The following STEAP1B variants were observed in gnomAD, a reference collection of about 807,000 sequenced individuals.
STEAP1B encodes STEAP family member 1B.
STEAP1B carries 13 observed loss-of-function variants against 27.9 expected under a neutral mutation model. The ratio of observed to expected loss-of-function variants is 0.47; its 90% confidence interval spans 0.30 to 0.74. The LOEUF (loss-of-function observed/expected upper bound fraction) is 0.74, where lower values mean the gene tolerates loss of function less well. Among genes scored for constraint, STEAP1B ranks in the 30% least tolerant of loss-of-function variants. The probability of loss-of-function intolerance (pLI) is 0.06; values close to 1 mark genes in which losing one functional copy is unlikely to be tolerated. For synonymous variants in STEAP1B, 86 were observed against 107.1 expected, an observed-to-expected ratio of 0.80 and a Z score of 1.22; for missense variants, 250 against 298.7, an observed-to-expected ratio of 0.84 and a Z score of 1.20.
chr7:22,461,419 C>T (rs533601518), intron 4 of STEAP1B, among the ~76,000 whole-genome samples: 4 of 152,230 alleles, frequency 2.6e-5, no homozygotes, highest in African/African-American at 7.2e-5. Flanking sequence ...CCCACCACCA[C>T]GCCCAGCTAA....
At chr7:22,482,441 T>C (rs1286702436) in intron 4 of STEAP1B, among the ~76,000 whole-genome samples, 2 of 152,202 alleles carry the variant, frequency 1.3e-5, no homozygotes, top group African/African-American at 4.8e-5. Context: ...CTGGATTTAG[T>C]TATGTTGGTT....
At chr7:22,443,775 C>T (rs1218499606) in intron 4 of STEAP1B, among the ~76,000 whole-genome samples, 1 of 152,144 alleles carries the variant, frequency 6.6e-6, no homozygotes, top group African/African-American at 2.4e-5. Context: ...GCATTCAGCT[C>T]CCTCCTGCCC....
chr7:22,430,566 C>T (rs1392758026), intron 4 of STEAP1B, among the ~76,000 whole-genome samples: 10 of 152,290 alleles, frequency 6.6e-5, no homozygotes, highest in African/African-American at 2.2e-4. Flanking sequence ...ACATCTTTTT[C>T]GCTCCACCCT....
chr7:22,483,334 G>T (rs999748397), intron 4 of STEAP1B, among the ~76,000 whole-genome samples: 2 of 152,134 alleles, frequency 1.3e-5, no homozygotes, highest in African/African-American at 4.8e-5. Flanking sequence ...ATGGATGAGG[G>T]GTACAGGCAT....
At chr7:22,451,768 T>G (rs562570119) in intron 4 of STEAP1B, among the ~76,000 whole-genome samples, 3 of 152,232 alleles carry the variant, frequency 2.0e-5, no homozygotes, top group African/African-American at 4.8e-5. Flanking sequence ...TTCTAATATA[T>G]TGTTGAATTT....
Position 22,494,896 on chromosome 7 carries a change from T to C in STEAP1B, c.-31-10A>G, listed in dbSNP as rs964826909. 3.9e-6 allele frequency: 5 copies of C among 1,284,938 alleles called. No individual in the cohort carries two copies. The highest frequency in any genetic ancestry group is 5.4e-6 in the Non-Finnish European group (5 of 924,718). The allele number at this position is 1,284,938 out of a possible 1,614,324, so 79.6% of individuals were successfully genotyped here. A position where few individuals can be genotyped will look rare whatever the true frequency, so the allele number is the denominator to read the frequency against. ...GTATGGCTTCAGCCACCTGTAAAAATAAAAATAATTACTTTCATGTCTATT... is the reference window on the plus strand; with the variant it reads ...GTATGGCTTCAGCCACCTGTAAAAACAAAAATAATTACTTTCATGTCTATT... On this transcript the variant is annotated splice_polypyrimidine_tract_variant and intron_variant, in intron 1 of 4. Coordinates refer to ENST00000678116, the MANE Select transcript of STEAP1B (RefSeq NM_001382447.1).
At chr7:22,477,470 T>G (rs938305449) in intron 4 of STEAP1B, among the ~76,000 whole-genome samples, 1 of 152,226 alleles carries the variant, frequency 6.6e-6, no homozygotes, top group Non-Finnish European at 1.5e-5. Context: ...AAAGGTTAAG[T>G]GTCTTGTCCA....
intron 4 of STEAP1B, among the ~76,000 whole-genome samples, chr7:22,466,454 T>G (rs923065809): frequency 6.7e-6 from 1 of 148,916 alleles, no homozygotes; most frequent in Admixed American, 6.9e-5. Context: ...AATATGTACA[T>G]GTATGACCAT....
intron 4 of STEAP1B, among the ~76,000 whole-genome samples, chr7:22,459,967 G>A (rs1487881719): frequency 6.6e-6 from 1 of 152,130 alleles, no homozygotes; most frequent in Non-Finnish European, 1.5e-5. Context: ...TGTGGAACGT[G>A]TAGCCGTTTA....
intron 4 of STEAP1B, among the ~76,000 whole-genome samples, chr7:22,437,561 T>C (rs1206534228): frequency 3.9e-5 from 6 of 152,246 alleles, no homozygotes; most frequent in Admixed American, 6.5e-5. Flanking sequence ...GCAATGAACA[T>C]GGAAGAAGTG....
intron 4 of STEAP1B, among the ~76,000 whole-genome samples, chr7:22,448,873 T>A (rs1016847910): frequency 7.2e-5 from 11 of 152,248 alleles, no homozygotes; most frequent in Admixed American, 7.2e-4. Flanking sequence ...GCACAGAAGG[T>A]CCTTGAGGGG....
chr7:22,464,601 G>A (rs923956804), intron 4 of STEAP1B, among the ~76,000 whole-genome samples: 11 of 152,042 alleles, frequency 7.2e-5, no homozygotes, highest in African/African-American at 2.7e-4. Context: ...GGTCATTAGG[G>A]TGAGCCCTAA....
chr7:22,423,353 G>C (rs1785066981), intron 4 of STEAP1B, among the ~76,000 whole-genome samples: 2 of 152,086 alleles, frequency 1.3e-5, no homozygotes, highest in Non-Finnish European at 2.9e-5. Context: ...ATATCAAAAG[G>C]TGCAAACAAC....
At chr7:22,420,032 T>A (rs1358392056) in intron 4 of STEAP1B, among the ~76,000 whole-genome samples, 196 bp from the exon 5 acceptor site, 1 of 152,160 alleles carries the variant, frequency 6.6e-6, no homozygotes, top group East Asian at 1.9e-4. Flanking sequence ...TCCGGTGTGG[T>A]CTTTCTCCCT....
chr7:22,492,605 A>G lies in STEAP1B; in HGVS notation c.722T>C (p.Val241Ala), dbSNP rs1786348945. 1.2e-6 allele frequency: 2 copies of G among 1,612,612 alleles called. No homozygotes were observed. The highest frequency in any genetic ancestry group is 3.3e-5 in the Admixed American group (2 of 59,800). Reference sequence around the variant, plus strand: ...TTCTCTCCATGTCAAAGAGTCACTCACAGATGGAATAGATGTCACAGCCAA... The same window carrying G: ...TTCTCTCCATGTCAAAGAGTCACTCGCAGATGGAATAGATGTCACAGCCAA... ...ALLAVTSIPS[V>A]SDSLTWREFH... The change falls in exon 4 of 5, where the codon GTG (valine) becomes GCG (alanine). Residue 241 changes from valine to alanine, a missense_variant. Val to Ala is a moderately conservative substitution (Grantham distance 64, BLOSUM62 0). Transcript: ENST00000678116.
rs545168039 is a variant in STEAP1B, at chr7:22,432,440, G to C, written c.763-12604C>G. Among the ~76,000 whole-genome samples the C allele has an allele frequency of 1.3e-4, 20 of 152,040 alleles. No individual in the cohort carries two copies. In the South Asian group the frequency reaches 4.2e-3, roughly 32 times the overall value. On this transcript the variant is annotated intron_variant, in intron 4 of 4. Transcript: ENST00000678116. ...ATAAATAAAAGGTTAGCCAGCTGTAGTGGCATACACTTGTAGTCCCAGCTA... is the reference window on the plus strand; with the variant it reads ...ATAAATAAAAGGTTAGCCAGCTGTACTGGCATACACTTGTAGTCCCAGCTA...
Position 22,493,521 on chromosome 7 carries a change from C to T in STEAP1B, c.400G>A (p.Val134Met), listed in dbSNP as rs779025182. Reference sequence around the variant, plus strand: ...TGAACTTGGACAATTGCTGCTATCACACCTGGTAGGTAAACCAATGCCAAG... The same window carrying T: ...TGAACTTGGACAATTGCTGCTATCATACCTGGTAGGTAAACCAATGCCAAG... ...TLLALVYLPG[V>M]IAAIVQVHNG... The change falls in exon 3 of 5, where the codon GTG (valine) becomes ATG (methionine). Residue 134 changes from valine (V) to methionine (M), a missense_variant. By Grantham distance (21) the Val-to-Met change is conservative. Coordinates refer to ENST00000678116, the MANE Select transcript of STEAP1B (RefSeq NM_001382447.1). The T allele has an allele frequency of 1.5e-5, 24 of 1,613,796 alleles. No homozygotes were observed. The Middle Eastern group carries it at 4.9e-4, about 33-fold the overall frequency.
chr7:22,487,154 C>T (rs1786224169), intron 4 of STEAP1B, among the ~76,000 whole-genome samples: 1 of 152,178 alleles, frequency 6.6e-6, no homozygotes, highest in Admixed American at 6.5e-5. Flanking sequence ...GAGGACACAG[C>T]CAGGTGCAGT....
intron 4 of STEAP1B, among the ~76,000 whole-genome samples, chr7:22,427,199 G>A (rs1457613363): frequency 5.3e-5 from 8 of 152,228 alleles, no homozygotes; most frequent in Non-Finnish European, 7.3e-5. Flanking sequence ...ATGAGTTAAC[G>A]TGTAGAAGGC....
Sources: allele counts gnomAD v4.1 joint callset (sites outside exome capture counted in the v4.1 genomes callset), GRCh38; gene constraint gnomAD v4.1.1; transcripts MANE v1.5; gene names NCBI Gene and HGNC (gene_info 2026-07-23, HGNC 2026-07-21).